MBNL1: variants seen among roughly 807,000 people sequenced by gnomAD.
MBNL1 encodes the protein muscleblind-like protein 1.
MBNL1 carries 8 observed loss-of-function variants against 42.2 expected under a neutral mutation model. The observed-to-expected ratio is 0.19, with a 90% confidence interval of 0.11 to 0.34. The LOEUF (loss-of-function observed/expected upper bound fraction) is 0.34. Among genes scored for constraint, MBNL1 ranks in the 10% least tolerant of loss-of-function variants. MBNL1 has a pLI of 1.00. For missense variants in MBNL1, 309 were observed against 495.3 expected (o/e 0.62, Z 3.57); for synonymous variants, 169 against 173.9 (o/e 0.97, Z 0.22).
chr3:152,337,362 G>T (rs548209146), intron 2 of MBNL1, among the ~76,000 whole-genome samples: 1 of 152,172 alleles, frequency 6.6e-6, no homozygotes, highest in Non-Finnish European at 1.5e-5. Context: ...GCTCACGCCT[G>T]TAATGCCAGT....
At chr3:152,364,127 T>C (rs914722399) in intron 2 of MBNL1, among the ~76,000 whole-genome samples, 5 of 152,128 alleles carry the variant, frequency 3.3e-5, no homozygotes, top group African/African-American at 1.2e-4. Context: ...TGGAAGCTAG[T>C]TAGTTCCTTT....
At chr3:152,419,016 G>A (rs906747435) in intron 3 of MBNL1, among the ~76,000 whole-genome samples, 1 of 151,956 alleles carries the variant, frequency 6.6e-6, no homozygotes, top group Non-Finnish European at 1.5e-5. Flanking sequence ...ATGCCCAGCC[G>A]ACAATCTTAT....
chr3:152,294,159 G>A (rs937848095), intron 1 of MBNL1, among the ~76,000 whole-genome samples: 5 of 151,678 alleles, frequency 3.3e-5, no homozygotes, highest in Non-Finnish European at 1.5e-5. Context: ...GGTTCTTGTG[G>A]CAGAATATTA....
chr3:152,288,213 TGAG>T (rs1577184855), intron 1 of MBNL1, among the ~76,000 whole-genome samples: 2 of 152,318 alleles, frequency 1.3e-5, no homozygotes, highest in East Asian at 3.9e-4. Flanking sequence ...AAAGAGAGTT[TGAG>T]GAGGACAAAG....
intron 2 of MBNL1, among the ~76,000 whole-genome samples, chr3:152,308,363 A>G (rs1001012480): frequency 2.0e-5 from 3 of 152,194 alleles, no homozygotes; most frequent in African/African-American, 7.2e-5. Context: ...CAGCTTGCCT[A>G]GTGCAGGGGA....
intron 2 of MBNL1, among the ~76,000 whole-genome samples, chr3:152,316,575 ATGCTCCATCACCTAGTCCTGCT>A (rs909311993): frequency 1.2e-4 from 19 of 152,066 alleles, no homozygotes; most frequent in Non-Finnish European, 4.4e-5. Context: ...CTAGACCTTC[ATGCTCCATCACCTAGTCCTGCT>A]TGCTCCATCA....
chr3:152,335,337 C>A, intron 2 of MBNL1: 2 of 1,073,576 alleles, frequency 1.9e-6, no homozygotes, highest in Non-Finnish European at 2.5e-6. Flanking sequence ...TTTTGGTATT[C>A]TGTACATTAG....
chr3:152,287,491 T>C (rs1476694171), intron 1 of MBNL1, among the ~76,000 whole-genome samples: 2 of 152,152 alleles, frequency 1.3e-5, no homozygotes, highest in Non-Finnish European at 2.9e-5. Flanking sequence ...TATTTTAGCC[T>C]TGATTGATTA....
chr3:152,403,638 G>A (rs1231898378), intron 2 of MBNL1, among the ~76,000 whole-genome samples: 3 of 152,132 alleles, frequency 2.0e-5, no homozygotes, highest in Non-Finnish European at 4.4e-5. Context: ...TAGAAAACCA[G>A]TGGAATTCTC....
At chr3:152,425,619 AAAAG>A (rs1329141925) in intron 3 of MBNL1, among the ~76,000 whole-genome samples, 11 of 151,906 alleles carry the variant, frequency 7.2e-5, no homozygotes, top group African/African-American at 2.7e-4. Flanking sequence ...GAAAAAAAAA[AAAAG>A]AAAGAAATGC....
chr3:152,451,820 A>AT (rs1043451477), intron 6 of MBNL1, among the ~76,000 whole-genome samples: 14 of 151,700 alleles, frequency 9.2e-5, no homozygotes, highest in Non-Finnish European at 1.8e-4. Context: ...ACATTATCTC[A>AT]TTTTTTTTCA....
chr3:152,414,125 T>C (rs1444432931), intron 2 of MBNL1, among the ~76,000 whole-genome samples: 1 of 152,222 alleles, frequency 6.6e-6, no homozygotes, highest in Non-Finnish European at 1.5e-5. Context: ...GTCTGGATGG[T>C]ATATATTCAA....
chr3:152,358,914 C>T (rs2095728850), intron 2 of MBNL1, among the ~76,000 whole-genome samples: 1 of 152,108 alleles, frequency 6.6e-6, no homozygotes, highest in Admixed American at 6.6e-5. Flanking sequence ...CCAGCCTCAT[C>T]TGGTTTTTAA....
chr3:152,451,394 A>G (rs567740682), intron 6 of MBNL1, among the ~76,000 whole-genome samples: 5 of 152,204 alleles, frequency 3.3e-5, no homozygotes, highest in African/African-American at 9.6e-5. Context: ...CCATCCTCCT[A>G]TCATTCTGTT....
chr3:152,358,888 GT>G (rs1285516918), intron 2 of MBNL1, among the ~76,000 whole-genome samples: 1 of 152,122 alleles, frequency 6.6e-6, no homozygotes, highest in Admixed American at 6.6e-5. Flanking sequence ...GGAATTACAG[GT>G]ATGAGCCACC....
chr3:152,351,105 T>A (rs1430446138), intron 2 of MBNL1, among the ~76,000 whole-genome samples: 2 of 152,136 alleles, frequency 1.3e-5, no homozygotes, highest in African/African-American at 2.4e-5. Flanking sequence ...TTTTGGTTAA[T>A]AAAGTTACTG....
At chr3:152,311,397 C>G (rs1045506029) in intron 2 of MBNL1, among the ~76,000 whole-genome samples, 8 of 152,070 alleles carry the variant, frequency 5.3e-5, no homozygotes, top group Admixed American at 4.6e-4. Flanking sequence ...CCTAGTAAGA[C>G]AGAAATATGC....
intron 2 of MBNL1, among the ~76,000 whole-genome samples, chr3:152,390,022 G>A (rs943655756): frequency 6.6e-6 from 1 of 151,688 alleles, no homozygotes; most frequent in African/African-American, 2.4e-5. Flanking sequence ...ACTACAGGCT[G>A]CCATGCCTGG....
At position 152,248,886 on chromosome 3, in the gene MBNL1, C is replaced by T. The variant is rs1044559543; in HGVS notation, n.333+4446C>T. On this transcript the variant is annotated intron_variant and non_coding_transcript_variant, in intron 2 of 2. Coordinates refer to the MBNL1 transcript ENST00000477171. ...TGCAGTGTTTGGTTTTTTGTTCTTGCGATAGTTTACTGAGAATGATGATTT... is the reference window on the plus strand; with the variant it reads ...TGCAGTGTTTGGTTTTTTGTTCTTGTGATAGTTTACTGAGAATGATGATTT... 4.4e-4 allele frequency among the ~76,000 whole-genome samples: 67 copies of T among 151,520 alleles called. 1 individual carries two copies. Among genetic ancestry groups the T allele is most frequent in the Non-Finnish European group, 7.5e-4 (51 of 67,922 alleles).
Sources: allele counts gnomAD v4.1 joint callset (sites outside exome capture counted in the v4.1 genomes callset), GRCh38; gene constraint gnomAD v4.1.1; transcripts MANE v1.5; gene names NCBI Gene and HGNC (gene_info 2026-07-23, HGNC 2026-07-21).